Variants in DCC observed in about 807,000 individuals in gnomAD.
DCC encodes DCC netrin 1 receptor.
In DCC, 58 loss-of-function variants were observed where a neutral mutation model predicts 172.5. The ratio of observed to expected loss-of-function variants is 0.34; its 90% confidence interval spans 0.27 to 0.42. The LOEUF (loss-of-function observed/expected upper bound fraction) is 0.42, where lower values mean the gene tolerates loss of function less well. Among genes scored for constraint, DCC ranks in the 10% least tolerant of loss-of-function variants. DCC has a pLI of 1.00. For synonymous variants in DCC, 709 were observed against 644.5 expected (o/e 1.10, Z -1.52); for missense variants, 1,740 against 1,791.0 (o/e 0.97, Z 0.51).
At chr18:52,469,033 T>TTATA (rs1454051699) in intron 1 of DCC, among the ~76,000 whole-genome samples, 1 of 1,766 alleles carries the variant, frequency 5.7e-4, no homozygotes, top group East Asian at 0.062. Context: ...CAATTTTGAT[T>TTATA]TATTTATTTA....
intron 15 of DCC, among the ~76,000 whole-genome samples, chr18:53,351,350 CACAGTAT>C (rs1568074842): frequency 2.3e-3 from 97 of 41,958 alleles, no homozygotes; most frequent in Middle Eastern, 0.017. Context: ...TATATATATA[CACAGTAT>C]ATATATATAC....
chr18:53,171,162 G>A (rs975262002), intron 8 of DCC, among the ~76,000 whole-genome samples: 17 of 152,214 alleles, frequency 1.1e-4, no homozygotes, highest in African/African-American at 4.1e-4. Flanking sequence ...TGGGATTACA[G>A]GTGTGAGCCA....
chr18:52,973,691 T>C (rs1461106564), intron 5 of DCC, among the ~76,000 whole-genome samples: 1 of 152,162 alleles, frequency 6.6e-6, no homozygotes, highest in Non-Finnish European at 1.5e-5. Flanking sequence ...GTGAGAAAGG[T>C]ACCATCTTTA....
chr18:52,549,523 C>T (rs1247393859), intron 1 of DCC, among the ~76,000 whole-genome samples: 1 of 152,028 alleles, frequency 6.6e-6, no homozygotes, highest in Non-Finnish European at 1.5e-5. Context: ...ATGACTTGTC[C>T]TCCACACGGT....
At chr18:52,632,343 A>G (rs1398075888) in intron 1 of DCC, among the ~76,000 whole-genome samples, 1 of 152,198 alleles carries the variant, frequency 6.6e-6, no homozygotes, top group Non-Finnish European at 1.5e-5. Flanking sequence ...CTTGGCACAT[A>G]GTAAGCAATT....
At chr18:52,591,215 T>C (rs968888488) in intron 1 of DCC, among the ~76,000 whole-genome samples, 9 of 152,170 alleles carry the variant, frequency 5.9e-5, no homozygotes, top group Admixed American at 1.3e-4. Flanking sequence ...TTTCATAATT[T>C]TTTAAAATTC....
intron 1 of DCC, among the ~76,000 whole-genome samples, chr18:52,613,579 G>A (rs894657697): frequency 2.0e-5 from 3 of 151,958 alleles, no homozygotes; most frequent in African/African-American, 7.3e-5. Flanking sequence ...TTATGCTTAG[G>A]AATCTATTTA....
At chr18:53,079,664 A>C (rs1044940840) in intron 7 of DCC, among the ~76,000 whole-genome samples, 4 of 152,198 alleles carry the variant, frequency 2.6e-5, no homozygotes, top group Admixed American at 1.3e-4. Flanking sequence ...AAAAGGAGAT[A>C]GCACAAAGGA....
At chr18:53,246,967 G>A (rs992536027) in intron 12 of DCC, among the ~76,000 whole-genome samples, 1 of 152,050 alleles carries the variant, frequency 6.6e-6, no homozygotes, top group African/African-American at 2.4e-5. Flanking sequence ...TTCATATAAG[G>A]TGGTGGGAAC....
intron 5 of DCC, among the ~76,000 whole-genome samples, chr18:53,020,799 A>C (rs1209326211): frequency 6.6e-6 from 1 of 152,220 alleles, no homozygotes; most frequent in African/African-American, 2.4e-5. Flanking sequence ...GGAATTAGAT[A>C]GAATTTAATA....
chr18:52,674,182 A>G (rs2144976070), intron 1 of DCC, among the ~76,000 whole-genome samples: 1 of 152,266 alleles, frequency 6.6e-6, no homozygotes, highest in Admixed American at 6.5e-5. Context: ...TATTTATTAT[A>G]AGGTTATTGG....
intron 2 of DCC, among the ~76,000 whole-genome samples, chr18:52,774,442 G>T (rs546709173): frequency 2.6e-5 from 4 of 152,296 alleles, no homozygotes; most frequent in African/African-American, 9.6e-5. Flanking sequence ...TAATTCTATC[G>T]CTGTAGCTAC....
intron 5 of DCC, among the ~76,000 whole-genome samples, chr18:52,930,038 C>T (rs763771372): frequency 1.3e-5 from 2 of 151,908 alleles, no homozygotes; most frequent in Non-Finnish European, 2.9e-5. Flanking sequence ...GCCTTGAGTT[C>T]GTGGTGTCAG....
intron 13 of DCC, among the ~76,000 whole-genome samples, chr18:53,319,270 C>A (rs913032992): frequency 1.1e-4 from 16 of 152,036 alleles, no homozygotes; most frequent in African/African-American, 3.9e-4. Context: ...TAATATTAAC[C>A]TTTAATGTAA....
At chr18:52,606,775 A>G (rs1210493025) in intron 1 of DCC, among the ~76,000 whole-genome samples, 3 of 152,160 alleles carry the variant, frequency 2.0e-5, no homozygotes, top group Non-Finnish European at 4.4e-5. Context: ...ATAGATTATG[A>G]GAGTAACATG....
chr18:53,252,264 A>G lies in DCC; in HGVS notation c.1911+36667A>G, dbSNP rs17410648. ...GCATGTGCTCATTTACATACTGCAT[A>G]GGATTTTAGACGATCTACAATACAG... On this transcript the variant is annotated intron_variant, in intron 12 of 28. Transcript: ENST00000442544. Among the ~76,000 whole-genome samples the G allele has an allele frequency of 7.7e-3, 1,175 of 152,002 alleles. 6 individuals carry two copies. Among genetic ancestry groups the G allele is most frequent in the Non-Finnish European group, 0.012 (836 of 67,900 alleles).
At chr18:52,760,004 T>A (rs9951810) in intron 2 of DCC, among the ~76,000 whole-genome samples, 37,530 of 152,120 alleles carry the variant, frequency 0.25, 5,283 homozygotes, top group Admixed American at 0.34. Context: ...TAAGGTCTGA[T>A]TGTTCAAATA....
At chr18:52,921,797 AT>A (rs1232984757) in intron 3 of DCC, among the ~76,000 whole-genome samples, 9 of 150,664 alleles carry the variant, frequency 6.0e-5, no homozygotes, top group Non-Finnish European at 7.4e-5. Flanking sequence ...GTCCTAGGTA[AT>A]TTTTTTTTCT....
chr18:52,554,250 A>T (rs1242381640), intron 1 of DCC, among the ~76,000 whole-genome samples: 2 of 152,068 alleles, frequency 1.3e-5, no homozygotes, highest in Admixed American at 1.3e-4. Context: ...TGCCCAAAGG[A>T]TGGGATTAAT....
Sources: gnomAD v4.1 joint callset for allele counts (sites outside exome capture counted in the v4.1 genomes callset) on GRCh38, gnomAD v4.1.1 for gene constraint, MANE v1.5 for transcripts, NCBI Gene and HGNC (gene_info 2026-07-23, HGNC 2026-07-21) for gene names.